SIRT6: variants seen among roughly 807,000 people sequenced by gnomAD.
SIRT6 encodes sirtuin 6.
Under a neutral mutation model 33.6 loss-of-function variants are expected in SIRT6, and 21 were observed. The observed-to-expected ratio is 0.62, with a 90% CI of 0.44 to 0.90. SIRT6 has a LOEUF of 0.90. Among genes scored for constraint, SIRT6 ranks in the 40% least tolerant of loss-of-function variants. The probability of loss-of-function intolerance (pLI) is 0.00; values close to 1 mark genes in which losing one functional copy is unlikely to be tolerated. For synonymous variants in SIRT6, 221 were observed against 223.9 expected (o/e 0.99, Z 0.12); for missense variants, 504 against 510.6 (o/e 0.99, Z 0.12).
rs1251512867 is a variant in SIRT6, at chr19:4,174,960, G to A, written c.739-14C>T. On this transcript the variant is annotated splice_polypyrimidine_tract_variant and intron_variant, in intron 7 of 7. Coordinates refer to ENST00000337491, the MANE Select transcript of SIRT6 (RefSeq NM_016539.4). The surrounding 1 kb of genome is among the most constrained non-coding windows in gnomAD (Gnocchi z 4.2). ...AGCATGGCGGTCCTGCCGAGGGGCGGGACGGGTCAGGCGTGGGGGACAGAG... is the reference window on the plus strand; with the variant it reads ...AGCATGGCGGTCCTGCCGAGGGGCGAGACGGGTCAGGCGTGGGGGACAGAG... The A allele has an allele frequency of 1.9e-6, 3 of 1,609,780 alleles. No homozygotes were observed. Among genetic ancestry groups the A allele is most frequent in the Middle Eastern group, 1.7e-4 (1 of 6,056 alleles).
intron 4 of SIRT6, 35 bp downstream of exon 4, chr19:4,177,044 C>T (rs781000182): frequency 1.3e-6 from 2 of 1,597,236 alleles, no homozygotes; most frequent in Admixed American, 3.4e-5. Context: ...CCCCCTCTGG[C>T]AGAGCCCCCA....
chr19:4,178,981 A>C, intron 3 of SIRT6, 123 bp downstream of exon 3: 2 of 1,291,338 alleles, frequency 1.5e-6, no homozygotes, highest in Non-Finnish European at 2.1e-6. Flanking sequence ...ATCTCCACAC[A>C]CTGGGCCAAG....
At chr19:4,177,518 T>C (rs1475521842) in intron 3 of SIRT6, among the ~76,000 whole-genome samples, 2 of 152,084 alleles carry the variant, frequency 1.3e-5, no homozygotes, top group Non-Finnish European at 2.9e-5. Context: ...AACCGAGACA[T>C]TGAATGGCCC....
At chr19:4,177,613 T>C (rs1053369295) in intron 3 of SIRT6, among the ~76,000 whole-genome samples, 2 of 152,112 alleles carry the variant, frequency 1.3e-5, no homozygotes, top group African/African-American at 4.8e-5. Flanking sequence ...CAGGTTGGAG[T>C]GCAATGGTGC....
intron 4 of SIRT6, among the ~76,000 whole-genome samples, chr19:4,176,845 C>T (rs867135603): frequency 6.6e-6 from 1 of 151,946 alleles, no homozygotes; most frequent in South Asian, 2.1e-4. Context: ...ATGTACCCCC[C>T]ACAGGAGGGA....
At chr19:4,176,034 G>A in intron 4 of SIRT6, 97 bp from the exon 5 acceptor site, 3 of 1,043,896 alleles carry the variant, frequency 2.9e-6, no homozygotes, top group South Asian at 2.9e-5. Context: ...GGAGGTGGGG[G>A]GTGGACAGGT....
intron 3 of SIRT6, 121 bp from the exon 4 acceptor site, chr19:4,177,259 T>C (rs1967362731): frequency 1.2e-6 from 1 of 800,196 alleles, no homozygotes. Flanking sequence ...CCCACAACAT[T>C]GATCAACTCC....
intron 6 of SIRT6, 180 bp from the exon 7 acceptor site, chr19:4,175,331 T>G (rs1599356798): frequency 1.2e-6 from 1 of 837,250 alleles, no homozygotes; most frequent in Non-Finnish European, 1.8e-6. Flanking sequence ...GTTGGCGGGG[T>G]CATTGATCTG....
chr19:4,179,817 G>C (rs558959324), intron 2 of SIRT6, among the ~76,000 whole-genome samples: 1 of 152,326 alleles, frequency 6.6e-6, no homozygotes, highest in South Asian at 2.1e-4. Context: ...TCCTGGAGGA[G>C]GCTAAGCAGT....
intron 2 of SIRT6, among the ~76,000 whole-genome samples, chr19:4,180,145 C>A (rs1387518206): frequency 8.2e-6 from 1 of 121,720 alleles, no homozygotes; most frequent in Non-Finnish European, 1.6e-5. Context: ...GGCTCTGTTG[C>A]CCAGGCTGGA....
chr19:4,182,261 C>T (rs1967736102), intron 1 of SIRT6: 1 of 533,138 alleles, frequency 1.9e-6, no homozygotes, highest in Non-Finnish European at 3.3e-6. Flanking sequence ...CCCCTCTCTC[C>T]CCGATCAGCC....
Position 4,179,284 on chromosome 19 carries a change from C to T in SIRT6, c.197G>A (p.Gly66Asp), listed in dbSNP as rs914828817. The T allele has an allele frequency of 1.9e-6, 3 of 1,597,470 alleles. No individual in the cohort carries two copies. Among genetic ancestry groups the T allele is most frequent in the Non-Finnish European group, 1.7e-6 (2 of 1,172,074 alleles). Reference protein sequence around the residue: ...STASGIPDFRGPHGVWTMEER... With the variant: ...STASGIPDFRDPHGVWTMEER... ...CTCCATGGTCCAGACTCCGTGGGGA[C>T]CCCTGAAGGTGGCAGGCCGGGAGAG... The change falls in exon 3 of 8, where the codon GGT becomes GAT. Residue 66 changes from glycine (G) to aspartate (D), a missense_variant and splice_region_variant. Gly to Asp is a moderately conservative substitution (Grantham distance 94, BLOSUM62 -1). Coordinates refer to ENST00000337491, the MANE Select transcript of SIRT6 (RefSeq NM_016539.4).
rs1448019022 is a variant in SIRT6 at position 4,174,801 on chromosome 19, G to C, written c.884C>G (p.Pro295Arg). 2.1e-5 allele frequency: 10 copies of C among 467,008 alleles called. No homozygotes were observed. The highest frequency in any genetic ancestry group is 3.2e-5 in the Non-Finnish European group (8 of 250,226). 28.9% of individuals were successfully genotyped at this position (467,008 alleles called of 1,614,324 possible). Residue 295 changes from proline (P) to arginine (R), a missense_variant, in exon 8 of 8, where the codon CCC (proline) becomes CGC (arginine). Coordinates refer to ENST00000337491, the MANE Select transcript of SIRT6 (RefSeq NM_016539.4). This position sits in a 1 kb window ranked among gnomAD's most constrained non-coding sequence, Gnocchi z 4.2. ...ALPPLPRPPT[P>R]KLEPKEESPT... ...AGATTCCTCCTTGGGCTCCAGCTTG[G>C]GGGTGGGCGGGCGGGGCAGGGGTGG... is the stretch of plus-strand genomic sequence containing the variant.
chr19:4,179,317 G>T, intron 2 of SIRT6, 31 bp from the exon 3 acceptor site: 1 of 1,553,426 alleles, frequency 6.4e-7, no homozygotes, highest in Non-Finnish European at 8.7e-7. Flanking sequence ...GAGATGGACG[G>T]GGAGAGGGGA....
intron 1 of SIRT6, among the ~76,000 whole-genome samples, chr19:4,181,529 A>C (rs1175473673): frequency 6.6e-6 from 1 of 152,190 alleles, no homozygotes; most frequent in South Asian, 2.1e-4. Context: ...GCTCACGCCT[A>C]TAATCCCAGC....
At chr19:4,180,090 T>C (rs1599368695) in intron 2 of SIRT6, among the ~76,000 whole-genome samples, 1 of 134,332 alleles carries the variant, frequency 7.4e-6, no homozygotes, top group African/African-American at 2.8e-5. Flanking sequence ...ATTCACGCCT[T>C]GGCTTTTTTT....
intron 4 of SIRT6, among the ~76,000 whole-genome samples, chr19:4,176,193 T>C (rs1428414761): frequency 6.6e-6 from 1 of 152,118 alleles, no homozygotes; most frequent in Non-Finnish European, 1.5e-5. Flanking sequence ...CAGCATGGGA[T>C]CCCGGACCAG....
intron 6 of SIRT6, 42 bp from the exon 7 acceptor site, chr19:4,175,193 T>G: frequency 6.4e-7 from 1 of 1,569,630 alleles, no homozygotes; most frequent in Non-Finnish European, 8.6e-7. Flanking sequence ...GCCCTGCTCC[T>G]GCCAACATCC....
intron 2 of SIRT6, 146 bp downstream of exon 2, chr19:4,180,636 A>G: frequency 7.7e-6 from 8 of 1,040,480 alleles, no homozygotes; most frequent in Non-Finnish European, 9.4e-6. Context: ...TGCCCAGCCA[A>G]GGGACACATC....
Sources: allele counts gnomAD v4.1 joint callset (sites outside exome capture counted in the v4.1 genomes callset), GRCh38; gene constraint gnomAD v4.1.1; non-coding constraint Gnocchi (gnomAD v3.1); transcripts MANE v1.5; gene names NCBI Gene and HGNC (gene_info 2026-07-23, HGNC 2026-07-21).